FXR2: variants seen among roughly 807,000 people sequenced by gnomAD.
The protein encoded by FXR2 is FMR1 autosomal homolog 2, also known as RNA-binding protein FXR2.
A neutral mutation model predicts 87.3 loss-of-function variants in FXR2; 9 were observed. The observed-to-expected ratio is 0.10, with a 90% CI of 0.06 to 0.18. FXR2 has a LOEUF of 0.18. Among genes scored for constraint, FXR2 ranks in the 10% least tolerant of loss-of-function variants. FXR2 has a pLI of 1.00. For synonymous variants in FXR2, 331 were observed against 328.3 expected (o/e 1.01, Z -0.09); for missense variants, 661 against 893.6 (o/e 0.74, Z 3.32).
At chr17:7,609,608 T>C (rs1294202221) in intron 1 of FXR2, among the ~76,000 whole-genome samples, 1 of 152,124 alleles carries the variant, frequency 6.6e-6, no homozygotes, top group Non-Finnish European at 1.5e-5. Flanking sequence ...TCATTCAGGT[T>C]TAATGCCAAC....
intron 7 of FXR2, among the ~76,000 whole-genome samples, chr17:7,601,043 G>A (rs1567750581): frequency 2.6e-5 from 4 of 152,098 alleles, no homozygotes; most frequent in Non-Finnish European, 5.9e-5. Flanking sequence ...GCCGGGTGTG[G>A]TGGCGCACGC....
chr17:7,597,227 G>A (rs1264131974), intron 7 of FXR2, among the ~76,000 whole-genome samples: 2 of 152,160 alleles, frequency 1.3e-5, no homozygotes, highest in Non-Finnish European at 2.9e-5. Context: ...AGGTTTTAGA[G>A]GAGTGAATCC....
intron 1 of FXR2, among the ~76,000 whole-genome samples, chr17:7,610,051 C>CATATGTATACATGTATGTATATATAT (rs1567754161): frequency 3.8e-5 from 4 of 104,700 alleles, no homozygotes; most frequent in African/African-American, 1.1e-4. Flanking sequence ...TATATATACA[C>CATATGTATACATGTATGTATATATAT]ACACACACAC....
intron 1 of FXR2, 121 bp from the exon 2 acceptor site, chr17:7,606,270 G>A: frequency 1.5e-6 from 1 of 657,042 alleles, no homozygotes; most frequent in Non-Finnish European, 2.7e-6. Context: ...GACACAAGTG[G>A]TGTAATGAGA....
chr17:7,601,575 C>T (rs1373561162), intron 6 of FXR2, 50 bp from the exon 7 acceptor site: 3 of 1,079,696 alleles, frequency 2.8e-6, no homozygotes, highest in African/African-American at 3.1e-5. Flanking sequence ...GGAATAAACA[C>T]TAAGGGAGAG....
chr17:7,605,615 A>G (rs1363944499), intron 3 of FXR2, 30 bp downstream of exon 3: 2 of 1,121,924 alleles, frequency 1.8e-6, no homozygotes, highest in Non-Finnish European at 2.7e-6. Flanking sequence ...GAAAAGTGAC[A>G]TTTAGAAAGG....
intron 7 of FXR2, among the ~76,000 whole-genome samples, chr17:7,596,713 G>A (rs78625018): frequency 0.022 from 3,282 of 152,300 alleles, 103 homozygotes; most frequent in African/African-American, 0.075. Flanking sequence ...TGGTGTGAAA[G>A]TACTTCTCAC....
Position 7,592,332 on chromosome 17 carries a change from T to C in FXR2, c.1848A>G (p.Ser616=). 6.3e-7 allele frequency: 1 copy of C among 1,598,592 alleles called. No individual in the cohort carries two copies. Among genetic ancestry groups the C allele is most frequent in the Non-Finnish European group, 8.6e-7 (1 of 1,166,572 alleles). Residue 616 remains serine (S), a synonymous_variant, in exon 16 of 17, where the codon TCA becomes TCG. Coordinates refer to ENST00000250113, the MANE Select transcript of FXR2 (RefSeq NM_004860.4). This position sits in a 1 kb window ranked among gnomAD's most constrained non-coding sequence, Gnocchi z 4.8. ...TCTGGCGGCTCTGAGACTCTGCTCG[T>C]GAGATATAGTCAGCCACAGTCACTG... ...RQPVTVADYI[S]RAESQSRQRP...
chr17:7,614,608 G>T lies in FXR2; in HGVS notation c.-76C>A, dbSNP rs2071926857. 1.1e-6 allele frequency: 1 copy of T among 936,520 alleles called. No individual in the cohort carries two copies. The highest frequency in any genetic ancestry group is 1.4e-6 in the Non-Finnish European group (1 of 704,520). 58.0% of individuals were successfully genotyped at this position (936,520 alleles called of 1,614,324 possible). On this transcript the variant is annotated 5_prime_UTR_variant, in exon 1 of 17. Transcript: ENST00000250113. ...GAGTGCGGGCCGGGCCAGGCCCCCG[G>T]CGTCTCCCCGGAGGAGGAGCCGGAG...
intron 1 of FXR2, chr17:7,613,812 G>C (rs2071900631): frequency 5.8e-6 from 2 of 347,212 alleles, no homozygotes; most frequent in Non-Finnish European, 1.1e-5. Flanking sequence ...GGTGGGGAGA[G>C]AGACTTGCGA....
chr17:7,612,937 A>C (rs2071883048), intron 1 of FXR2, among the ~76,000 whole-genome samples: 1 of 139,218 alleles, frequency 7.2e-6, no homozygotes, highest in Non-Finnish European at 1.5e-5. Flanking sequence ...CGGAGCTTGC[A>C]GTGAGCCAAG....
rs749565841 is a variant in FXR2 at position 7,592,738 on chromosome 17, C to G, written c.1685G>C (p.Gly562Ala). The G allele has an allele frequency of 1.1e-5, 18 of 1,613,376 alleles. No homozygotes were observed. The South Asian group carries it at 1.4e-4, about 13-fold the overall frequency. The change falls in exon 14 of 17, where the codon GGA becomes GCA. Residue 562 changes from glycine (G) to alanine (A), a missense_variant. This residue lies in a region of FXR2 where 409 missense variants were observed against 432.0 expected (regional missense o/e 0.95). Coordinates refer to ENST00000250113, the MANE Select transcript of FXR2 (RefSeq NM_004860.4). The surrounding 1 kb of genome is among the most constrained non-coding windows in gnomAD (Gnocchi z 4.8). ...RTDEDRTVMD[G>A]GLESDGPNMT... ...GTTGGGCCCATCTGATTCCAGGCCT[C>G]CATCCATGACGGTCCTGTCTTCATC...
At chr17:7,596,505 T>C (rs2071709074) in intron 7 of FXR2, 1 of 153,406 alleles carries the variant, frequency 6.5e-6, no homozygotes, top group African/African-American at 2.4e-5. Context: ...CAGTGGTTTG[T>C]GGGGGAGGAA....
rs118174079 is a variant in FXR2 at position 7,593,521 on chromosome 17, G to A, written c.1212C>T (p.Ser404=). ...PPGSGRGSGG[S]DKAGYSTDES... ...CATCAGTGCTATATCCAGCCTTGTC[G>A]CTGCCACCGCTGCCCCGCCCACTCC... Residue 404 remains serine, a synonymous_variant, in exon 12 of 17, where the codon AGC becomes AGT. Coordinates refer to ENST00000250113, the MANE Select transcript of FXR2 (RefSeq NM_004860.4). This position sits in a 1 kb window ranked among gnomAD's most constrained non-coding sequence, Gnocchi z 6.1. 16,807 of 1,586,984 alleles carry A rather than the reference G, an allele frequency of 0.011. 133 individuals carry two copies. The highest frequency in any genetic ancestry group is 0.021 in the Middle Eastern group (126 of 6,044).
intron 7 of FXR2, among the ~76,000 whole-genome samples, chr17:7,597,448 G>A (rs1334589157): frequency 6.6e-6 from 1 of 151,890 alleles, no homozygotes; most frequent in South Asian, 2.1e-4. Flanking sequence ...ACCTATAAGC[G>A]TCTTCTAGAT....
chr17:7,605,071 A>G (rs912956740), intron 3 of FXR2, among the ~76,000 whole-genome samples: 1 of 152,002 alleles, frequency 6.6e-6, no homozygotes, highest in Non-Finnish European at 1.5e-5. Context: ...GAAGGAACTA[A>G]TTAAAATCAG....
intron 1 of FXR2, among the ~76,000 whole-genome samples, chr17:7,609,921 CATGTATATGT>C (rs2071836614): frequency 7.7e-6 from 1 of 130,536 alleles, no homozygotes; most frequent in Non-Finnish European, 1.6e-5. Context: ...TGTATATATA[CATGTATATGT>C]ATATATATAC....
chr17:7,593,797 CCA>C lies in FXR2; in HGVS notation c.1107+119_1107+120del, dbSNP rs772102237. The C allele has an allele frequency of 2.4e-6, 2 of 820,724 alleles. No homozygotes were observed. Among genetic ancestry groups the C allele is most frequent in the African/African-American group, 1.7e-5 (1 of 58,440 alleles). The allele number at this position is 820,724 out of a possible 1,614,324, so 50.8% of individuals were successfully genotyped here. A position where few individuals can be genotyped will look rare whatever the true frequency, so the allele number is the denominator to read the frequency against. On this transcript the variant is annotated intron_variant, in intron 11 of 16. Coordinates refer to ENST00000250113, the MANE Select transcript of FXR2 (RefSeq NM_004860.4). This position sits in a 1 kb window ranked among gnomAD's most constrained non-coding sequence, Gnocchi z 6.1. ...GACCCAACCCTATAGCCCCAAATTT[CCA>C]CAGATGTTTTCTGTTCTACACGGAG...
In FXR2 at chr17:7,594,180, G is replaced by A; in HGVS notation, c.1020+58C>T. Reference sequence around the variant, plus strand: ...CAAAGAACAATCCCAGCCCTCAGAGGACAATCCCATTTACTTCTGGAAACC... The same window carrying A: ...CAAAGAACAATCCCAGCCCTCAGAGAACAATCCCATTTACTTCTGGAAACC... On this transcript the variant is annotated intron_variant, in intron 10 of 16. Transcript: ENST00000250113. This position sits in a 1 kb window ranked among gnomAD's most constrained non-coding sequence, Gnocchi z 5.1. 1 of 1,041,940 alleles carries A rather than the reference G, an allele frequency of 9.6e-7. No individual in the cohort carries two copies. Among genetic ancestry groups the A allele is most frequent in the Non-Finnish European group, 1.5e-6 (1 of 666,672 alleles). The allele number at this position is 1,041,940 out of a possible 1,614,324, so 64.5% of individuals were successfully genotyped here. A position where few individuals can be genotyped will look rare whatever the true frequency, so the allele number is the denominator to read the frequency against.
Sources: allele counts gnomAD v4.1 joint callset (sites outside exome capture counted in the v4.1 genomes callset), GRCh38; gene constraint gnomAD v4.1.1; regional missense constraint gnomAD v4.1.1; non-coding constraint Gnocchi (gnomAD v3.1); transcripts MANE v1.5; gene names NCBI Gene and HGNC (gene_info 2026-07-23, HGNC 2026-07-21).